The following TIAM1 variants were observed in gnomAD, a reference collection of about 807,000 sequenced individuals.
TIAM1 encodes TIAM Rac1 associated GEF 1.
In TIAM1, 65 loss-of-function variants were observed where a neutral mutation model predicts 163.5. The ratio of observed to expected loss-of-function variants is 0.40; its 90% confidence interval spans 0.33 to 0.49. The LOEUF is 0.49. TIAM1 is among the 20% of genes least tolerant of loss of function. The probability of loss-of-function intolerance (pLI) is 0.77; values close to 1 mark genes in which losing one functional copy is unlikely to be tolerated. For synonymous variants in TIAM1, 833 were observed against 810.1 expected (o/e 1.03, Z -0.48); for missense variants, 1,789 against 2,044.7 (o/e 0.87, Z 2.41).
At chr21:31,181,778 T>A (rs1180837864) in intron 15 of TIAM1, among the ~76,000 whole-genome samples, 1 of 73,020 alleles carries the variant, frequency 1.4e-5, no homozygotes, top group African/African-American at 6.5e-5. Context: ...TTTTTTTTTT[T>A]TTTTTTTTTT....
Position 31,521,880 on chromosome 21 carries a change from C to CT in TIAM1, c.-422+37046dup, listed in dbSNP as rs756232583. ...GGTGCAATCTTGGCTCTTAATAATT[C>CT]TTTTTTTTGGAGACGGAGTCTCTCT... On this transcript the variant is annotated intron_variant, in intron 1 of 28. Coordinates refer to the TIAM1 transcript ENST00000286827. Among the ~76,000 whole-genome samples, 17 of 151,814 alleles carry CT rather than the reference C, an allele frequency of 1.1e-4. No homozygotes were observed. The East Asian group carries it at 2.7e-3, about 24-fold the overall frequency.
At chr21:31,307,935 T>C (rs764616814) in intron 2 of TIAM1, among the ~76,000 whole-genome samples, 3 of 151,960 alleles carry the variant, frequency 2.0e-5, no homozygotes, top group Non-Finnish European at 4.4e-5. Flanking sequence ...TCAATCAGAG[T>C]CAATACTATA....
chr21:31,137,700 A>C (rs1288124006), intron 22 of TIAM1, among the ~76,000 whole-genome samples: 1 of 151,428 alleles, frequency 6.6e-6, no homozygotes, highest in African/African-American at 2.4e-5. Flanking sequence ...CGCCGCCCGG[A>C]TGACTTTGGG....
chr21:31,521,470 G>A (rs989490190), intron 1 of TIAM1, among the ~76,000 whole-genome samples: 10 of 152,152 alleles, frequency 6.6e-5, no homozygotes, highest in African/African-American at 2.4e-4. Context: ...TTAAAAGAGT[G>A]CACACCTGTA....
At chr21:31,160,938 G>C (rs773166221) in intron 16 of TIAM1, 1 of 157,154 alleles carries the variant, frequency 6.4e-6, no homozygotes, top group African/African-American at 2.4e-5. Flanking sequence ...CAGCTGATTG[G>C]CCAGCATCCT....
chr21:31,150,215 A>G lies in TIAM1; in HGVS notation c.3366+2421T>C, dbSNP rs547511627. On this transcript the variant is annotated intron_variant, in intron 19 of 27. Coordinates refer to ENST00000541036, the MANE Select transcript of TIAM1 (RefSeq NM_001353694.2). ...CTATAATATATACATATATATTCAC[A>G]TACTTATGTGTGTTTGTATGTAATT... 3.3e-5 allele frequency among the ~76,000 whole-genome samples: 5 copies of G among 152,318 alleles called. No individual in the cohort carries two copies. In the South Asian group the frequency reaches 1.0e-3, roughly 32 times the overall value.
chr21:31,335,017 C>T (rs747837766), intron 2 of TIAM1, among the ~76,000 whole-genome samples: 90 of 152,212 alleles, frequency 5.9e-4, no homozygotes, highest in African/African-American at 2.0e-3. Flanking sequence ...CCAATGTTTA[C>T]GCGACATGGG....
chr21:31,301,588 C>T (rs1259423593), intron 2 of TIAM1, among the ~76,000 whole-genome samples: 1 of 152,050 alleles, frequency 6.6e-6, no homozygotes, highest in Non-Finnish European at 1.5e-5. Flanking sequence ...GCCTGTAATC[C>T]CAACACTTTG....
intron 2 of TIAM1, among the ~76,000 whole-genome samples, chr21:31,448,609 T>TA (rs36095276): frequency 0.63 from 81,190 of 128,654 alleles, 26,167 homozygotes; most frequent in African/African-American, 0.76. Flanking sequence ...CCATCTCAAT[T>TA]AAAAAAAAAA....
At chr21:31,436,414 G>A (rs1214361276) in intron 2 of TIAM1, among the ~76,000 whole-genome samples, 5 of 152,176 alleles carry the variant, frequency 3.3e-5, no homozygotes, top group Admixed American at 6.5e-5. Flanking sequence ...AAGGCAGGCA[G>A]TCAGCAGTTT....
intron 4 of TIAM1, among the ~76,000 whole-genome samples, chr21:31,255,991 G>A (rs1036890415): frequency 2.6e-5 from 4 of 152,206 alleles, no homozygotes; most frequent in African/African-American, 9.6e-5. Flanking sequence ...CAAGTGGCCA[G>A]CTGTAGCCTA....
intron 2 of TIAM1, among the ~76,000 whole-genome samples, chr21:31,430,751 A>T (rs2043998842): frequency 6.6e-6 from 1 of 152,132 alleles, no homozygotes; most frequent in East Asian, 1.9e-4. Flanking sequence ...CTTCATTTAA[A>T]TTCCTTATTG....
At chr21:31,377,007 C>T (rs1024790036) in intron 2 of TIAM1, among the ~76,000 whole-genome samples, 11 of 150,118 alleles carry the variant, frequency 7.3e-5, no homozygotes, top group African/African-American at 1.2e-4. Flanking sequence ...AACAGGCGGA[C>T]GCCACCATGC....
intron 1 of TIAM1, among the ~76,000 whole-genome samples, chr21:31,494,841 C>CAA (rs5843521): frequency 3.3e-5 from 5 of 151,250 alleles, no homozygotes; most frequent in Non-Finnish European, 5.9e-5. Context: ...GACTCTGTCT[C>CAA]AAAAAAAAGG....
chr21:31,182,633 C>A lies in TIAM1; in HGVS notation c.2675G>T (p.Gly892Val). The A allele has an allele frequency of 1.2e-6, 2 of 1,611,362 alleles. No individual in the cohort carries two copies. Among genetic ancestry groups the A allele is most frequent in the South Asian group, 2.2e-5 (2 of 90,462 alleles). ...GLASKKGLKA[G>V]DEILEINNRA... ...ATTATTGATCTCAAGAATCTCATCTCCTGCTTTCAGGCCTGCCAACGCAAG... is the reference window on the plus strand; with the variant it reads ...ATTATTGATCTCAAGAATCTCATCTACTGCTTTCAGGCCTGCCAACGCAAG... The change falls in exon 15 of 28, where the codon GGA becomes GTA. Residue 892 changes from glycine (G) to valine (V), a missense_variant. Physicochemically the swap from Gly to Val is moderately radical, Grantham distance 109. Coordinates refer to ENST00000541036, the MANE Select transcript of TIAM1 (RefSeq NM_001353694.2).
At position 31,217,654 on chromosome 21, in the gene TIAM1, C is replaced by T. The variant is rs147339627; in HGVS notation, c.2041G>A (p.Ala681Thr). ...CGCTTGCTCGCGGATCTGGACATGGCCTGAGTACGTCTTCTCACTCCAGTT... is the reference window on the plus strand; with the variant it reads ...CGCTTGCTCGCGGATCTGGACATGGTCTGAGTACGTCTTCTCACTCCAGTT... ...GETGVRRRTQAMSRSASKRRS... is the reference protein window; with the variant it reads ...GETGVRRRTQTMSRSASKRRS... Residue 681 changes from alanine (A) to threonine (T), a missense_variant, in exon 9 of 28, where the codon GCC (alanine) becomes ACC (threonine). Physicochemically the swap from Ala to Thr is moderately conservative, Grantham distance 58. This residue lies in a region of TIAM1 where 456 missense variants were observed against 586.6 expected (regional missense o/e 0.78). Coordinates refer to ENST00000541036, the MANE Select transcript of TIAM1 (RefSeq NM_001353694.2). The T allele has an allele frequency of 1.2e-6, 2 of 1,613,910 alleles. No homozygotes were observed. The highest frequency in any genetic ancestry group is 2.7e-5 in the African/African-American group (2 of 74,900).
At position 31,156,630 on chromosome 21, in the gene TIAM1, T is replaced by C. The variant is rs553477122; in HGVS notation, c.2992-2204A>G. 9.2e-5 allele frequency among the ~76,000 whole-genome samples: 14 copies of C among 152,264 alleles called. No individual in the cohort carries two copies. In the East Asian group the frequency reaches 2.7e-3, roughly 29 times the overall value. ...GTCTTAAAAATTACAAAGGAACAAATACATCCATTTTAGCAAAAAATCTTC... is the reference window on the plus strand; with the variant it reads ...GTCTTAAAAATTACAAAGGAACAAACACATCCATTTTAGCAAAAAATCTTC... On this transcript the variant is annotated intron_variant, in intron 16 of 27. Coordinates refer to ENST00000541036, the MANE Select transcript of TIAM1 (RefSeq NM_001353694.2).
Position 31,505,000 on chromosome 21 carries a change from G to A in TIAM1, c.-421-40965C>T, listed in dbSNP as rs373335396. ...TTTGTTATTAGCCTCTGACAGTCCC[G>A]CACTGGAGACCTCAGAAACACCAAA... On this transcript the variant is annotated intron_variant, in intron 1 of 28. Coordinates refer to the TIAM1 transcript ENST00000286827. Among the ~76,000 whole-genome samples, 109 of 152,202 alleles carry A rather than the reference G, an allele frequency of 7.2e-4. 4 individuals carry two copies. In the South Asian group the frequency reaches 0.022, roughly 30 times the overall value.
chr21:31,142,006 G>C (rs896089795), intron 20 of TIAM1, among the ~76,000 whole-genome samples: 3 of 152,052 alleles, frequency 2.0e-5, no homozygotes, highest in Non-Finnish European at 4.4e-5. Flanking sequence ...TCTCAGGGTG[G>C]GGAGCACACA....
Sources: gnomAD v4.1 joint callset for allele counts (sites outside exome capture counted in the v4.1 genomes callset) on GRCh38, gnomAD v4.1.1 for gene constraint, gnomAD v4.1.1 regional missense constraint, MANE v1.5 for transcripts, NCBI Gene and HGNC (gene_info 2026-07-23, HGNC 2026-07-21) for gene names.